MCF2: variants seen among roughly 807,000 people sequenced by gnomAD.
MCF2 encodes the protein proto-oncogene DBL.
A neutral mutation model predicts 82.5 loss-of-function variants in MCF2; 44 were observed. That is an observed-to-expected ratio of 0.53 (90% CI 0.42 to 0.69). The LOEUF is 0.69. MCF2 is among the 30% of genes least tolerant of loss of function. The probability of loss-of-function intolerance (pLI) is 0.00; values close to 1 mark genes in which losing one functional copy is unlikely to be tolerated. For synonymous variants in MCF2, 217 were observed against 224.9 expected (o/e 0.96, Z 0.32); for missense variants, 623 against 663.1 (o/e 0.94, Z 0.66).
At chrX:139,687,220 C>A (rs758526163) in intron 1 of MCF2, among the ~76,000 whole-genome samples, 15 of 112,503 alleles carry the variant, frequency 1.3e-4, no homozygotes, top group African/African-American at 4.8e-4. Flanking sequence ...TGGTAGTTCA[C>A]TTCCTACCTC....
intron 10 of MCF2, among the ~76,000 whole-genome samples, chrX:139,614,507 A>ATGTG (rs10578610): frequency 1.1e-3 from 113 of 103,036 alleles, no homozygotes; most frequent in East Asian, 4.9e-3. Context: ...AGCAGTAAAT[A>ATGTG]TGTGTGTGTG....
At chrX:139,645,512 G>A, upstream of MCF2, 2 of 734,144 alleles carry the variant, frequency 2.7e-6, no homozygotes, top group African/African-American at 2.1e-5. Flanking sequence ...TCCCAAAACA[G>A]AAAGTATAAT....
intron 7 of MCF2, among the ~76,000 whole-genome samples, chrX:139,618,321 G>T (rs978503243): frequency 1.8e-5 from 2 of 110,910 alleles, no homozygotes; most frequent in African/African-American, 6.5e-5. Context: ...TCTCTATCTA[G>T]TGGGAAAACC....
intron 1 of MCF2, among the ~76,000 whole-genome samples, chrX:139,700,468 T>C (rs1935468689): frequency 8.9e-6 from 1 of 112,037 alleles, no homozygotes; most frequent in African/African-American, 3.2e-5. Context: ...TTTAATAGAA[T>C]ATTGATATTT....
intron 1 of MCF2, among the ~76,000 whole-genome samples, chrX:139,674,113 G>A (rs1247579604): frequency 1.8e-5 from 2 of 110,003 alleles, no homozygotes; most frequent in Admixed American, 9.6e-5. Context: ...TTTAAAGTCT[G>A]TTTTATCAGA....
chrX:139,628,236 A>G (rs1305959530), intron 4 of MCF2, among the ~76,000 whole-genome samples: 1 of 111,946 alleles, frequency 8.9e-6, no homozygotes, highest in East Asian at 2.8e-4. Context: ...GTGCCCATCA[A>G]TGGTGGACTG....
At chrX:139,681,243 C>T (rs1017772665) in intron 1 of MCF2, among the ~76,000 whole-genome samples, 5 of 112,327 alleles carry the variant, frequency 4.5e-5, no homozygotes, top group South Asian at 3.7e-4. Context: ...CAAATGAAGA[C>T]GTGATGACCA....
At chrX:139,677,327 T>TTGTTTG (rs1248007643) in intron 1 of MCF2, among the ~76,000 whole-genome samples, 1 of 111,086 alleles carries the variant, frequency 9.0e-6, no homozygotes, top group Non-Finnish European at 1.9e-5. Context: ...ACCATACACT[T>TTGTTTG]GATCTCTCAA....
chrX:139,602,417 C>A lies in MCF2; in HGVS notation c.1825G>T (p.Ala609Ser), dbSNP rs202133857. 4 of 1,190,017 alleles carry A rather than the reference C, an allele frequency of 3.4e-6. No homozygotes were observed. The highest frequency in any genetic ancestry group is 4.4e-5 in the Admixed American group (2 of 45,322). ...AATAATTACTGTACCTGGAAAAATG[C>A]GCATTCTGAATACTTCCTCCAAATT... The change falls in exon 16 of 25, where the codon GCA becomes TCA. Residue 609 changes from alanine (A) to serine (S), a missense_variant. Physicochemically the swap from Ala to Ser is moderately conservative, Grantham distance 99. Coordinates refer to ENST00000370576, the Ensembl canonical transcript of MCF2.
chrX:139,596,874 T>C, intron 18 of MCF2, 104 bp from the exon 23 acceptor site: 1 of 543,505 alleles, frequency 1.8e-6, no homozygotes, highest in Admixed American at 3.3e-5. Context: ...CCCTGAAGAA[T>C]AATTTATGTT....
At chrX:139,706,885 C>T (rs1030003801) in intron 1 of MCF2, among the ~76,000 whole-genome samples, 1 of 109,256 alleles carries the variant, frequency 9.2e-6, no homozygotes, top group African/African-American at 3.3e-5. Flanking sequence ...TATTTTCAGA[C>T]ATAATTATTA....
chrX:139,598,303 C>T, intron 17 of MCF2, 103 bp downstream of exon 21: 1 of 518,516 alleles, frequency 1.9e-6, no homozygotes, highest in East Asian at 4.0e-5. Context: ...AGTCATTGAG[C>T]CTACCTATTT....
chrX:139,662,661 C>T (rs1934388323), intron 1 of MCF2, among the ~76,000 whole-genome samples: 2 of 109,555 alleles, frequency 1.8e-5, no homozygotes, highest in Non-Finnish European at 3.8e-5. Context: ...TTAAGGTGTC[C>T]CAAGTACCCA....
At chrX:139,596,490 A>C in intron 19 of MCF2, 59 bp downstream of exon 23, 1 of 927,467 alleles carries the variant, frequency 1.1e-6, no homozygotes, top group Admixed American at 2.5e-5. Flanking sequence ...AAAAATGTAC[A>C]AACTGGGAGA....
intron 19 of MCF2, among the ~76,000 whole-genome samples, chrX:139,591,495 G>A (rs1025797680): frequency 4.5e-5 from 5 of 111,005 alleles, no homozygotes; most frequent in African/African-American, 9.8e-5. Context: ...TTTAAAAATC[G>A]ATGATAATAA....
chrX:139,657,146 C>T (rs1029788289), intron 1 of MCF2, among the ~76,000 whole-genome samples: 1 of 112,020 alleles, frequency 8.9e-6, no homozygotes, highest in Non-Finnish European at 1.9e-5. Context: ...AATCCATGTG[C>T]TTGTACAATC....
At chrX:139,699,687 C>G (rs1246070913) in intron 1 of MCF2, among the ~76,000 whole-genome samples, 2 of 112,201 alleles carry the variant, frequency 1.8e-5, no homozygotes, top group Admixed American at 9.4e-5. Flanking sequence ...TATTTCATTC[C>G]TTTTTAAGGC....
At chrX:139,587,632 A>G in intron 22 of MCF2, 84 bp downstream of exon 26, 3 of 627,266 alleles carry the variant, frequency 4.8e-6, no homozygotes, top group Non-Finnish European at 7.6e-6. Flanking sequence ...TTCTTGTCAG[A>G]GATACTTTAA....
intron 24 of MCF2, among the ~76,000 whole-genome samples, chrX:139,584,685 T>C (rs1271485603): frequency 8.9e-6 from 1 of 112,053 alleles, no homozygotes; most frequent in African/African-American, 3.2e-5. Flanking sequence ...GCTTATTTCC[T>C]TTATTTTCTA....
Sources: gnomAD v4.1 joint callset for allele counts (sites outside exome capture counted in the v4.1 genomes callset) on GRCh38, gnomAD v4.1.1 for gene constraint, MANE v1.5 for transcripts, NCBI Gene and HGNC (gene_info 2026-07-23, HGNC 2026-07-21) for gene names.